Variants in KCND3 observed in about 807,000 individuals in gnomAD.
KCND3 encodes the protein A-type voltage-gated potassium channel KCND3.
In KCND3, 9 loss-of-function variants were observed where a neutral mutation model predicts 51.1. The ratio of observed to expected loss-of-function variants is 0.18; its 90% CI spans 0.11 to 0.31. KCND3 has a LOEUF of 0.31. Ranked by LOEUF, KCND3 falls within the 10% of genes least tolerant of loss-of-function variation. KCND3 has a pLI of 1.00. For missense variants in KCND3, 526 were observed against 903.8 expected, an observed-to-expected ratio of 0.58 and a Z score of 5.36; for synonymous variants, 349 against 368.0, an observed-to-expected ratio of 0.95 and a Z score of 0.59.
At chr1:111,872,431 T>C (rs1384760475) in intron 2 of KCND3, among the ~76,000 whole-genome samples, 1 of 152,244 alleles carries the variant, frequency 6.6e-6, no homozygotes, top group African/African-American at 2.4e-5. Context: ...TAAATTTATT[T>C]GACCTGTGAA....
intron 2 of KCND3, among the ~76,000 whole-genome samples, chr1:111,850,216 T>C (rs1571737613): frequency 6.6e-6 from 1 of 152,306 alleles, no homozygotes; most frequent in African/African-American, 2.4e-5. Context: ...CTGCATAGAA[T>C]TTCAAATCTC....
chr1:111,887,512 G>A (rs1458948155), intron 2 of KCND3, among the ~76,000 whole-genome samples: 1 of 152,140 alleles, frequency 6.6e-6, no homozygotes, highest in Non-Finnish European at 1.5e-5. Context: ...GCTGCCTCAA[G>A]GACTTAACAA....
At chr1:111,871,179 C>A (rs1010776852) in intron 2 of KCND3, among the ~76,000 whole-genome samples, 9 of 152,138 alleles carry the variant, frequency 5.9e-5, no homozygotes, top group Admixed American at 3.9e-4. Flanking sequence ...TGTGAATGGC[C>A]TTGAGTTGCA....
intron 2 of KCND3, among the ~76,000 whole-genome samples, chr1:111,938,951 T>C (rs553241905): frequency 2.0e-5 from 3 of 152,348 alleles, no homozygotes; most frequent in African/African-American, 7.2e-5. Context: ...GCTGTACTTA[T>C]ACCCCAACTG....
chr1:111,915,642 A>G (rs988981317), intron 2 of KCND3, among the ~76,000 whole-genome samples: 2 of 151,530 alleles, frequency 1.3e-5, no homozygotes, highest in Admixed American at 6.6e-5. Flanking sequence ...AGTCCCAGCT[A>G]CTCGGGAGGC....
At chr1:111,904,785 G>A (rs756324975) in intron 2 of KCND3, among the ~76,000 whole-genome samples, 2 of 152,162 alleles carry the variant, frequency 1.3e-5, no homozygotes, top group African/African-American at 2.4e-5. Flanking sequence ...TGACATACTG[G>A]GGACAGGAAG....
Position 111,982,524 on chromosome 1 carries a change from C to T in KCND3, c.203G>A (p.Ser68Asn). The T allele has an allele frequency of 6.2e-7, 1 of 1,607,512 alleles. No homozygotes were observed. Among genetic ancestry groups the T allele is most frequent in the Admixed American group, 1.7e-5 (1 of 59,880 alleles). Reference protein sequence around the residue: ...LERYPDTLLGSTEKEFFFNED... With the variant: ...LERYPDTLLGNTEKEFFFNED... ...GTTGAAGAAGAACTCCTTCTCCGTG[C>T]TGCCCAGCAGGGTGTCCGGGTAGCG... Residue 68 changes from serine (S) to asparagine (N), a missense_variant, in exon 2 of 8, where the codon AGC (serine) becomes AAC (asparagine). Around this residue, in one of 5 missense-constraint regions of KCND3, gnomAD observed 159 missense variants for 262.8 expected, o/e 0.61. Coordinates refer to ENST00000302127, the MANE Select transcript of KCND3 (RefSeq NM_001378969.1). This position sits in a 1 kb window ranked among gnomAD's most constrained non-coding sequence, Gnocchi z 8.5.
intron 2 of KCND3, among the ~76,000 whole-genome samples, chr1:111,822,052 T>C (rs1666373522): frequency 6.6e-6 from 1 of 151,226 alleles, no homozygotes; most frequent in Non-Finnish European, 1.5e-5. Flanking sequence ...ATTTCTAACC[T>C]CCTCTGTATG....
chr1:111,841,615 A>G (rs1199398557), intron 2 of KCND3, among the ~76,000 whole-genome samples: 1 of 152,236 alleles, frequency 6.6e-6, no homozygotes, highest in Non-Finnish European at 1.5e-5. Context: ...TAACAAGGAT[A>G]ATACTACTTA....
At chr1:111,817,834 G>T (rs1666166539) in intron 2 of KCND3, among the ~76,000 whole-genome samples, 1 of 152,204 alleles carries the variant, frequency 6.6e-6, no homozygotes, top group African/African-American at 2.4e-5. Context: ...GTCAATATGT[G>T]CAAAGCAGCC....
intron 2 of KCND3, among the ~76,000 whole-genome samples, chr1:111,957,183 C>A (rs1475338097): frequency 2.0e-5 from 3 of 152,204 alleles, no homozygotes; most frequent in Admixed American, 6.5e-5. Context: ...CTTTCAGAGT[C>A]ACTTCCCAGA....
intron 2 of KCND3, among the ~76,000 whole-genome samples, chr1:111,861,475 C>G (rs769580654): frequency 4.6e-5 from 7 of 152,182 alleles, no homozygotes; most frequent in Non-Finnish European, 1.0e-4. Context: ...TTTTTGAAAT[C>G]ACTTTAAAAG....
chr1:111,796,928 A>G (rs1665080979), intron 2 of KCND3, among the ~76,000 whole-genome samples: 1 of 152,200 alleles, frequency 6.6e-6, no homozygotes, highest in South Asian at 2.1e-4. Flanking sequence ...ACAGCCAGTC[A>G]CAGCGGCAGG....
intron 2 of KCND3, among the ~76,000 whole-genome samples, chr1:111,795,933 A>G (rs1371747169): frequency 6.6e-6 from 1 of 152,196 alleles, no homozygotes; most frequent in Non-Finnish European, 1.5e-5. Flanking sequence ...TTCTCAAATG[A>G]TCAATGATGT....
At chr1:111,980,152 G>A (rs1674864489) in intron 2 of KCND3, among the ~76,000 whole-genome samples, 1 of 151,488 alleles carries the variant, frequency 6.6e-6, no homozygotes, top group South Asian at 2.1e-4. Flanking sequence ...AGAGAAACAA[G>A]GTCAAATGAC....
intron 2 of KCND3, among the ~76,000 whole-genome samples, chr1:111,896,098 CCGGGAGGCAGGTGTGACCAGCCCCA>C (rs1227887640): frequency 1.3e-5 from 2 of 152,238 alleles, no homozygotes; most frequent in African/African-American, 4.8e-5. Context: ...CATAACAGCC[CCGGGAGGCAGGTGTGACCAGCCCCA>C]CGGTGCTGAG....
chr1:111,850,066 C>T (rs1479216933), intron 2 of KCND3, among the ~76,000 whole-genome samples: 2 of 152,172 alleles, frequency 1.3e-5, no homozygotes, highest in Non-Finnish European at 2.9e-5. Context: ...ACTCATCAGA[C>T]ATCTCACCGC....
chr1:111,822,842 AAAAC>A (rs1390430435), intron 2 of KCND3, among the ~76,000 whole-genome samples: 6 of 152,362 alleles, frequency 3.9e-5, no homozygotes, highest in African/African-American at 9.6e-5. Context: ...GGAGAAGGCA[AAAAC>A]AAACAAACAA....
chr1:111,857,506 C>T (rs1180159672), intron 2 of KCND3, among the ~76,000 whole-genome samples: 3 of 152,252 alleles, frequency 2.0e-5, no homozygotes, highest in Middle Eastern at 3.4e-3. Flanking sequence ...AAATACCCGT[C>T]GCTTATGGGG....
Sources: gnomAD v4.1 joint callset for allele counts (sites outside exome capture counted in the v4.1 genomes callset) on GRCh38, gnomAD v4.1.1 for gene constraint, gnomAD v4.1.1 regional missense constraint, Gnocchi (gnomAD v3.1) non-coding constraint, MANE v1.5 for transcripts, NCBI Gene and HGNC (gene_info 2026-07-23, HGNC 2026-07-21) for gene names.